Variants in RIT2 observed in about 807,000 individuals in gnomAD.
RIT2 encodes the protein GTP-binding protein Rit2.
RIT2 carries 24 observed loss-of-function variants against 23.7 expected under a neutral mutation model. The ratio of observed to expected loss-of-function variants is 1.01; its 90% CI spans 0.73 to 1.43. The LOEUF (loss-of-function observed/expected upper bound fraction) is 1.43, where lower values mean the gene tolerates loss of function less well. RIT2 is among the 40% of genes most tolerant of loss of function. The pLI, the probability that RIT2 is intolerant of heterozygous loss-of-function variation, is 0.00. For missense variants in RIT2, 236 were observed against 266.9 expected (o/e 0.88, Z 0.81); for synonymous variants, 107 against 91.1 (o/e 1.17, Z -0.99).
At chr18:43,024,106 T>G (rs1252923401) in intron 2 of RIT2, among the ~76,000 whole-genome samples, 1 of 152,100 alleles carries the variant, frequency 6.6e-6, no homozygotes, top group Admixed American at 6.6e-5. Flanking sequence ...CCGTTGTCAG[T>G]TACCTTTTAC....
At position 42,944,967 on chromosome 18, in the gene RIT2, G is replaced by A. The variant is rs117510198; in HGVS notation, c.235-21204C>T. Among the ~76,000 whole-genome samples the A allele has an allele frequency of 7.6e-3, 1,157 of 152,146 alleles. 8 individuals carry two copies. Among genetic ancestry groups the A allele is most frequent in the Middle Eastern group, 0.048 (14 of 294 alleles). On this transcript the variant is annotated intron_variant, in intron 3 of 4. Transcript: ENST00000326695. ...TGAACCATCTAGGAGAGACAAGAGGGCAGTTGCAATGATTAAAGGAGTTCT... is the reference window on the plus strand; with the variant it reads ...TGAACCATCTAGGAGAGACAAGAGGACAGTTGCAATGATTAAAGGAGTTCT...
At chr18:42,850,399 TGTAAAGA>T (rs1408987941) in intron 4 of RIT2, among the ~76,000 whole-genome samples, 3 of 152,186 alleles carry the variant, frequency 2.0e-5, no homozygotes, top group Non-Finnish European at 2.9e-5. Flanking sequence ...TGGATTGTAT[TGTAAAGA>T]GTAAAGTTGG....
At chr18:43,042,618 G>T (rs201818427) in intron 1 of RIT2, among the ~76,000 whole-genome samples, 1 of 152,122 alleles carries the variant, frequency 6.6e-6, no homozygotes, top group African/African-American at 2.4e-5. Context: ...CTCCTCCTTG[G>T]AACTCCCTAT....
chr18:42,954,472 A>G (rs761095180), intron 3 of RIT2, among the ~76,000 whole-genome samples: 2 of 151,656 alleles, frequency 1.3e-5, no homozygotes, highest in Admixed American at 6.6e-5. Context: ...AGATGATGGT[A>G]TCAACTTCCA....
At chr18:42,982,249 G>A (rs747463287) in intron 2 of RIT2, among the ~76,000 whole-genome samples, 8 of 152,178 alleles carry the variant, frequency 5.3e-5, no homozygotes, top group Admixed American at 1.3e-4. Context: ...GAAGTCCAGC[G>A]CAGCAGAGGA....
chr18:43,020,328 T>C (rs569006685), intron 2 of RIT2, among the ~76,000 whole-genome samples: 79 of 151,876 alleles, frequency 5.2e-4, no homozygotes, highest in Non-Finnish European at 8.1e-4. Context: ...CAACTAAAAA[T>C]ACAAAAATTA....
intron 2 of RIT2, among the ~76,000 whole-genome samples, chr18:43,016,592 G>A (rs114446109): frequency 0.031 from 4,764 of 151,658 alleles, 265 homozygotes; most frequent in African/African-American, 0.11. Flanking sequence ...TAAGTCATAA[G>A]CACACCAACT....
intron 4 of RIT2, among the ~76,000 whole-genome samples, chr18:42,747,314 A>C (rs1912941174): frequency 6.6e-6 from 1 of 152,052 alleles, no homozygotes; most frequent in Non-Finnish European, 1.5e-5. Flanking sequence ...TAAATAAATA[A>C]ATAAAATACT....
At chr18:43,062,718 A>G (rs986662474) in intron 1 of RIT2, among the ~76,000 whole-genome samples, 5 of 152,128 alleles carry the variant, frequency 3.3e-5, no homozygotes, top group African/African-American at 1.2e-4. Context: ...CTTTTGATAA[A>G]TATGAATCTT....
chr18:42,912,553 A>C (rs374224361), intron 4 of RIT2, among the ~76,000 whole-genome samples: 9 of 152,076 alleles, frequency 5.9e-5, no homozygotes, highest in African/African-American at 1.9e-4. Flanking sequence ...TTGAGGACTA[A>C]TAAGTTTCTC....
intron 1 of RIT2, among the ~76,000 whole-genome samples, chr18:43,092,656 C>T (rs1913451186): frequency 1.3e-5 from 2 of 151,972 alleles, no homozygotes; most frequent in South Asian, 4.1e-4. Context: ...CCAATAGGAG[C>T]CCCATATTAA....
At position 42,910,955 on chromosome 18, in the gene RIT2, T is replaced by C. The variant is rs147509241; in HGVS notation, c.426+12617A>G. On this transcript the variant is annotated intron_variant, in intron 4 of 4. Transcript: ENST00000326695. ...AAACAACAAGATCTACTGACATTTA[T>C]AGAACACTATAACCATCTACAGCAG... is the stretch of plus-strand genomic sequence containing the variant. Among the ~76,000 whole-genome samples the C allele has an allele frequency of 3.2e-4, 48 of 152,214 alleles. 1 individual carries two copies. In the East Asian group the frequency reaches 9.1e-3, roughly 29 times the overall value.
chr18:42,836,505 C>T (rs1212836676), intron 4 of RIT2, among the ~76,000 whole-genome samples: 7 of 152,160 alleles, frequency 4.6e-5, no homozygotes, highest in Non-Finnish European at 7.4e-5. Flanking sequence ...AGGAGGTCAA[C>T]AGGCAAAGCA....
intron 4 of RIT2, among the ~76,000 whole-genome samples, chr18:42,905,495 C>T (rs524298): frequency 0.025 from 3,846 of 152,122 alleles, 138 homozygotes; most frequent in African/African-American, 0.081. Context: ...TTTTTTGAGA[C>T]GGAGTCTCAC....
At chr18:42,915,040 G>C (rs1908869695) in intron 4 of RIT2, among the ~76,000 whole-genome samples, 1 of 151,354 alleles carries the variant, frequency 6.6e-6, no homozygotes, top group African/African-American at 2.4e-5. Context: ...TGAACACACA[G>C]CTAGTGCTCC....
In RIT2 at chr18:42,816,980, G is replaced by C. The variant is rs565577557; in HGVS notation, c.427-73260C>G. ...ATTGAGACATTCTGGGGTAGGGTCTGAGAATCTGCATTCCCAACAAGCTTT... is the reference window on the plus strand; with the variant it reads ...ATTGAGACATTCTGGGGTAGGGTCTCAGAATCTGCATTCCCAACAAGCTTT... On this transcript the variant is annotated intron_variant, in intron 4 of 4. Coordinates refer to ENST00000326695, the MANE Select transcript of RIT2 (RefSeq NM_002930.4). Among the ~76,000 whole-genome samples the C allele has an allele frequency of 3.3e-5, 5 of 152,244 alleles. No homozygotes were observed. In the South Asian group the frequency reaches 1.0e-3, roughly 32 times the overall value.
chr18:42,791,907 A>G (rs1021706524), intron 4 of RIT2, among the ~76,000 whole-genome samples: 1 of 152,174 alleles, frequency 6.6e-6, no homozygotes, highest in Non-Finnish European at 1.5e-5. Context: ...TAATTTGTCG[A>G]AAGATGGGAA....
intron 4 of RIT2, among the ~76,000 whole-genome samples, chr18:42,823,095 A>G (rs1321010005): frequency 6.6e-6 from 1 of 152,126 alleles, no homozygotes; most frequent in Non-Finnish European, 1.5e-5. Flanking sequence ...CTGATGGGGT[A>G]AATGTACTGA....
intron 3 of RIT2, among the ~76,000 whole-genome samples, chr18:42,970,492 A>G (rs1308407168): frequency 6.6e-6 from 1 of 152,066 alleles, no homozygotes; most frequent in Non-Finnish European, 1.5e-5. Flanking sequence ...GAAGTGCAGG[A>G]CATGCTACCC....
Sources: gnomAD v4.1 joint callset for allele counts (sites outside exome capture counted in the v4.1 genomes callset) on GRCh38, gnomAD v4.1.1 for gene constraint, MANE v1.5 for transcripts, NCBI Gene and HGNC (gene_info 2026-07-23, HGNC 2026-07-21) for gene names.